CDH18: variants seen among roughly 807,000 people sequenced by gnomAD.
CDH18 encodes the protein cadherin 18.
Under a neutral mutation model 67.9 loss-of-function variants are expected in CDH18, and 31 were observed. The observed-to-expected ratio is 0.46, with a 90% CI of 0.34 to 0.62. The LOEUF (loss-of-function observed/expected upper bound fraction) is 0.62, where lower values mean the gene tolerates loss of function less well. Among genes scored for constraint, CDH18 ranks in the 20% least tolerant of loss-of-function variants. The probability of loss-of-function intolerance (pLI) is 0.01; values close to 1 mark genes in which losing one functional copy is unlikely to be tolerated. For synonymous variants in CDH18, 362 were observed against 347.2 expected (o/e 1.04, Z -0.48); for missense variants, 890 against 975.5 (o/e 0.91, Z 1.17).
intron 5 of CDH18, among the ~76,000 whole-genome samples, chr5:19,708,454 A>G (rs553694293): frequency 1.2e-4 from 19 of 152,168 alleles, no homozygotes; most frequent in East Asian, 3.9e-4. Context: ...GCAAAAAAAA[A>G]GGGGGGGACA....
At chr5:20,545,383 C>T (rs966475554) in intron 1 of CDH18, among the ~76,000 whole-genome samples, 1 of 152,242 alleles carries the variant, frequency 6.6e-6, no homozygotes, top group East Asian at 1.9e-4. Context: ...TTTCCCTCTG[C>T]ATTGCCCTAG....
intron 2 of CDH18, among the ~76,000 whole-genome samples, chr5:19,941,664 G>A (rs1794831768): frequency 6.6e-6 from 1 of 151,982 alleles, no homozygotes. Context: ...GCACATACCT[G>A]TAGTCTCAGC....
At chr5:19,673,632 C>T (rs1759066566) in intron 5 of CDH18, among the ~76,000 whole-genome samples, 1 of 151,790 alleles carries the variant, frequency 6.6e-6, no homozygotes, top group Non-Finnish European at 1.5e-5. Flanking sequence ...TTAATTAAAT[C>T]AAGTAACTTC....
At chr5:20,553,630 C>T (rs1757757170) in intron 1 of CDH18, among the ~76,000 whole-genome samples, 1 of 152,136 alleles carries the variant, frequency 6.6e-6, no homozygotes, top group Non-Finnish European at 1.5e-5. Flanking sequence ...CAGCAGGCTA[C>T]TCATTGCAGC....
intron 1 of CDH18, chr5:20,305,584 C>A (rs376721146): frequency 1.7e-6 from 1 of 574,472 alleles, no homozygotes; most frequent in Non-Finnish European, 3.1e-6. Flanking sequence ...TCCGGTCCTG[C>A]GCTGCGGGCC....
chr5:19,935,583 C>T (rs1163489823), intron 2 of CDH18, among the ~76,000 whole-genome samples: 1 of 151,106 alleles, frequency 6.6e-6, no homozygotes, highest in Non-Finnish European at 1.5e-5. Context: ...TAGACTATAC[C>T]ATCTGGGTTT....
chr5:20,235,792 T>C (rs1742433784), intron 2 of CDH18, among the ~76,000 whole-genome samples: 1 of 152,116 alleles, frequency 6.6e-6, no homozygotes, highest in Non-Finnish European at 1.5e-5. Flanking sequence ...CCAAAGAAAA[T>C]TAAATTGTTC....
At chr5:20,261,410 TGAAATG>T (rs1744640326) in intron 1 of CDH18, among the ~76,000 whole-genome samples, 2 of 152,126 alleles carry the variant, frequency 1.3e-5, no homozygotes, top group Admixed American at 6.5e-5. Context: ...TTTAAATACT[TGAAATG>T]TAGAAATTAA....
intron 5 of CDH18, among the ~76,000 whole-genome samples, chr5:19,639,918 A>G (rs572219648): frequency 1.3e-5 from 2 of 152,368 alleles, no homozygotes; most frequent in East Asian, 1.9e-4. Flanking sequence ...AAGGCTATCA[A>G]TGTCGTTCTC....
intron 2 of CDH18, among the ~76,000 whole-genome samples, chr5:20,073,207 G>T (rs1263816692): frequency 6.6e-6 from 1 of 151,900 alleles, no homozygotes; most frequent in Non-Finnish European, 1.5e-5. Context: ...TTTGCTAATT[G>T]CAAAACCTAA....
intron 2 of CDH18, among the ~76,000 whole-genome samples, chr5:19,928,915 GGC>G (rs1793380539): frequency 6.6e-6 from 1 of 152,024 alleles, no homozygotes; most frequent in Non-Finnish European, 1.5e-5. Context: ...TTTAGTCAGA[GGC>G]ATTCCTGGAG....
chr5:19,737,697 G>C (rs1477937513), intron 4 of CDH18, among the ~76,000 whole-genome samples: 2 of 152,132 alleles, frequency 1.3e-5, no homozygotes, highest in Non-Finnish European at 2.9e-5. Context: ...TATCCTGATT[G>C]TTTAAATAAA....
intron 6 of CDH18, among the ~76,000 whole-genome samples, chr5:19,611,713 G>A (rs191361936): frequency 1.2e-3 from 181 of 152,214 alleles, no homozygotes; most frequent in Middle Eastern, 3.4e-3. Context: ...ATTAGTGACT[G>A]TCGTATAAAA....
At chr5:20,484,383 A>G in intron 1 of CDH18, among the ~76,000 whole-genome samples, 1 of 152,064 alleles carries the variant, frequency 6.6e-6, no homozygotes, top group East Asian at 1.9e-4. Flanking sequence ...TCTTCAAAGA[A>G]TCTAAAAATA....
At chr5:19,709,220 A>C (rs1764379737) in intron 5 of CDH18, among the ~76,000 whole-genome samples, 1 of 152,006 alleles carries the variant, frequency 6.6e-6, no homozygotes, top group Non-Finnish European at 1.5e-5. Context: ...GGTTTGGGGA[A>C]CTTTCTTCTG....
intron 1 of CDH18, among the ~76,000 whole-genome samples, chr5:20,292,723 T>A (rs1003366507): frequency 6.6e-6 from 1 of 152,100 alleles, no homozygotes; most frequent in African/African-American, 2.4e-5. Context: ...TGAGATTACT[T>A]GTCTTATAGA....
chr5:20,527,648 T>G (rs1756149950), intron 1 of CDH18, among the ~76,000 whole-genome samples: 2 of 152,042 alleles, frequency 1.3e-5, no homozygotes. Flanking sequence ...GAATTTCATA[T>G]CCAGCCAAAC....
chr5:20,465,081 A>T (rs1313763337), intron 1 of CDH18, among the ~76,000 whole-genome samples: 1 of 152,130 alleles, frequency 6.6e-6, no homozygotes, highest in Admixed American at 6.5e-5. Context: ...GACACGAGAG[A>T]ATAGACCAAA....
chr5:20,449,077 A>G (rs1000749079), intron 1 of CDH18, among the ~76,000 whole-genome samples: 4 of 152,070 alleles, frequency 2.6e-5, no homozygotes, highest in African/African-American at 9.7e-5. Flanking sequence ...TACCACCAAC[A>G]ATTTTTCACA....
Sources: allele counts gnomAD v4.1 joint callset (sites outside exome capture counted in the v4.1 genomes callset), GRCh38; gene constraint gnomAD v4.1.1; transcripts MANE v1.5; gene names NCBI Gene and HGNC (gene_info 2026-07-23, HGNC 2026-07-21).